Variants in CCNY observed in about 807,000 individuals in gnomAD.
CCNY encodes cyclin-Y.
Under a neutral mutation model 42.8 loss-of-function variants are expected in CCNY, and 19 were observed. The ratio of observed to expected loss-of-function variants is 0.44; its 90% CI spans 0.31 to 0.65. CCNY has a LOEUF of 0.65. CCNY is among the 30% of genes least tolerant of loss of function. The pLI is 0.07. For missense variants in CCNY, 370 were observed against 437.3 expected (o/e 0.85, Z 1.37); for synonymous variants, 165 against 162.7 (o/e 1.01, Z -0.11).
At chr10:35,410,957 G>T (rs1232037126) in intron 1 of CCNY, among the ~76,000 whole-genome samples, 1 of 152,154 alleles carries the variant, frequency 6.6e-6, no homozygotes, top group Non-Finnish European at 1.5e-5. Flanking sequence ...TTGAGAAATT[G>T]GTTGGGAATA....
chr10:35,277,287 A>G, intron 3 of CCNY, among the ~76,000 whole-genome samples: 1 of 152,212 alleles, frequency 6.6e-6, no homozygotes, highest in Non-Finnish European at 1.5e-5. Flanking sequence ...AGTAGAGAAT[A>G]CTATTTTCTT....
intron 8 of CCNY, among the ~76,000 whole-genome samples, chr10:35,557,046 A>G (rs2135455495): frequency 6.6e-6 from 1 of 152,152 alleles, no homozygotes; most frequent in African/African-American, 2.4e-5. Flanking sequence ...GGGTTTCACC[A>G]TGTTGGCCAG....
At chr10:35,511,112 T>A (rs548433423) in intron 3 of CCNY, among the ~76,000 whole-genome samples, 1 of 152,302 alleles carries the variant, frequency 6.6e-6, no homozygotes, top group South Asian at 2.1e-4. Flanking sequence ...AGCATGCCCC[T>A]TTCTGCCGTA....
Position 35,530,034 on chromosome 10 carries a change from A to G in CCNY, c.459+4A>G. 1.2e-6 allele frequency: 2 copies of G among 1,614,066 alleles called. No individual in the cohort carries two copies. Among genetic ancestry groups the G allele is most frequent in the Non-Finnish European group, 1.7e-6 (2 of 1,179,956 alleles). ...TGAAAATCTTCACCCTCTTTCGGTA[A>G]TCTCCTCCGTGTGTTTCATGAGATG... On this transcript the variant is annotated splice_donor_region_variant and intron_variant, in intron 6 of 9. Coordinates refer to ENST00000374704, the MANE Select transcript of CCNY (RefSeq NM_145012.6). The surrounding 1 kb of genome is among the most constrained non-coding windows in gnomAD (Gnocchi z 4.3).
chr10:35,428,699 G>C (rs1838321590), intron 1 of CCNY, among the ~76,000 whole-genome samples: 2 of 152,170 alleles, frequency 1.3e-5, no homozygotes, highest in Admixed American at 6.5e-5. Context: ...ATGTGGGGAG[G>C]AGTTGTGGTC....
chr10:35,281,735 G>A (rs763939280), intron 3 of CCNY, among the ~76,000 whole-genome samples: 9 of 152,014 alleles, frequency 5.9e-5, no homozygotes, highest in East Asian at 3.9e-4. Context: ...AAACCATACC[G>A]TGGAATAGTA....
At chr10:35,430,703 T>C (rs910539838) in intron 1 of CCNY, among the ~76,000 whole-genome samples, 2 of 152,206 alleles carry the variant, frequency 1.3e-5, no homozygotes, top group Non-Finnish European at 2.9e-5. Context: ...TAACAGAATT[T>C]AATAAGAAAA....
chr10:35,449,803 G>T, intron 1 of CCNY: 1 of 985,332 alleles, frequency 1.0e-6, no homozygotes, highest in South Asian at 4.7e-5. Flanking sequence ...CTTCTCAGCT[G>T]AACGGACAGT....
chr10:35,282,723 A>G (rs1414620072), intron 3 of CCNY, among the ~76,000 whole-genome samples: 1 of 148,852 alleles, frequency 6.7e-6, no homozygotes, highest in African/African-American at 2.5e-5. Flanking sequence ...ACTGTCTCAA[A>G]AAAAAAAAAA....
Position 35,501,514 on chromosome 10 carries a change from CAA to C in CCNY, c.244_245del (p.Lys82GlufsTer5). The C allele has an allele frequency of 1.2e-6, 2 of 1,613,892 alleles. No individual in the cohort carries two copies. The highest frequency in any genetic ancestry group is 1.7e-6 in the Non-Finnish European group (2 of 1,179,772). ...KSQTDVREKR[K>X]SLFINHHPPG... is the part of the protein sequence containing the mutation. Reference sequence around the variant, plus strand: ...TTGTTTTCACAGTGAGAGAAAAACGCAAGAGTCTCTTCATTAACCATGTAAGT... The same window carrying C: ...TTGTTTTCACAGTGAGAGAAAAACGCGAGTCTCTTCATTAACCATGTAAGT... On this transcript the variant is annotated frameshift_variant, in exon 3 of 10. Coordinates refer to ENST00000374704, the MANE Select transcript of CCNY (RefSeq NM_145012.6). LOFTEE classifies it high-confidence loss of function.
chr10:35,527,083 C>CA (rs34770538), intron 5 of CCNY, among the ~76,000 whole-genome samples: 44,045 of 152,012 alleles, frequency 0.29, 6,658 homozygotes, highest in East Asian at 0.35. Context: ...TATCCAGAAG[C>CA]AGACACCTAG....
intron 1 of CCNY, among the ~76,000 whole-genome samples, chr10:35,445,475 C>T (rs1006354913): frequency 1.3e-5 from 2 of 152,152 alleles, no homozygotes; most frequent in Non-Finnish European, 2.9e-5. Context: ...GTGGAGTCCG[C>T]ATTTCTGCCA....
intron 1 of CCNY, chr10:35,394,885 C>A: frequency 1.0e-6 from 1 of 981,696 alleles, no homozygotes; most frequent in Non-Finnish European, 1.2e-6. Flanking sequence ...TACTGTGAGT[C>A]TGTGCCTTGG....
intron 9 of CCNY, 36 bp from the exon 10 acceptor site, chr10:35,569,018 C>A: frequency 7.2e-7 from 1 of 1,398,110 alleles, no homozygotes; most frequent in Non-Finnish European, 1.0e-6. Flanking sequence ...GCAGATATGG[C>A]CCGCCCTGAC....
At chr10:35,466,531 G>A (rs1839273001) in intron 1 of CCNY, among the ~76,000 whole-genome samples, 1 of 152,170 alleles carries the variant, frequency 6.6e-6, no homozygotes, top group Admixed American at 6.5e-5. Flanking sequence ...GAGTTCTCAG[G>A]TGTGTCCGCC....
At position 35,273,432 on chromosome 10, in the gene CCNY, T is replaced by G. The variant is rs556750481; in HGVS notation, c.-9+22806T>G. On this transcript the variant is annotated intron_variant, in intron 3 of 11. Coordinates refer to the CCNY transcript ENST00000374706. ...GCTGGCCAGGCTGGTCTTGAACTCC[T>G]GACCTCAAGTGATCTGCCTGTCTCA... 5.5e-3 allele frequency among the ~76,000 whole-genome samples: 837 copies of G among 152,220 alleles called. 2 individuals are homozygous for G. Among genetic ancestry groups the G allele is most frequent in the Non-Finnish European group, 8.7e-3 (591 of 68,012 alleles).
chr10:35,362,842 G>A (rs1836717781), intron 1 of CCNY, among the ~76,000 whole-genome samples: 1 of 149,878 alleles, frequency 6.7e-6, no homozygotes, highest in African/African-American at 2.5e-5. Flanking sequence ...CCAGGCAGAA[G>A]CACTCCTCAC....
chr10:35,511,815 G>A (rs949950781), intron 3 of CCNY, among the ~76,000 whole-genome samples: 10 of 152,174 alleles, frequency 6.6e-5, no homozygotes, highest in African/African-American at 2.2e-4. Context: ...GTCCAAGTGT[G>A]GTGTGCAGGG....
chr10:35,334,307 C>T (rs1236141940), upstream of CCNY, among the ~76,000 whole-genome samples: 1 of 152,188 alleles, frequency 6.6e-6, no homozygotes, highest in East Asian at 1.9e-4. Flanking sequence ...CTTAATGCAT[C>T]TGAGTAGATA....
Sources: allele counts gnomAD v4.1 joint callset (sites outside exome capture counted in the v4.1 genomes callset), GRCh38; gene constraint gnomAD v4.1.1; non-coding constraint Gnocchi (gnomAD v3.1); transcripts MANE v1.5; gene names NCBI Gene and HGNC (gene_info 2026-07-23, HGNC 2026-07-21).